Variants in TINCR observed in about 807,000 individuals in gnomAD.
TINCR encodes TINCR-encoded ubiquitin-like protein.
rs1253800659 is a variant in TINCR at position 5,563,758 on chromosome 19, C to G, written c.261-809G>C. 6.6e-6 allele frequency among the ~76,000 whole-genome samples: 1 copy of G among 151,884 alleles called. No individual in the cohort carries two copies. The highest frequency in any genetic ancestry group is 2.4e-5 in the African/African-American group (1 of 41,338). On this transcript the variant is annotated intron_variant, in intron 1 of 1. Transcript: ENST00000646160. The surrounding 1 kb of genome is among the most constrained non-coding windows in gnomAD (Gnocchi z 4.7). ...GGTGAAACGGTCTCTACTAAAAATA[C>G]AAAAAAATTAGCCAGGCATGGTGGC... is the stretch of plus-strand genomic sequence containing the variant.
intron 1 of TINCR, among the ~76,000 whole-genome samples, chr19:5,566,112 T>C (rs982323422): frequency 6.6e-6 from 1 of 152,034 alleles, no homozygotes; most frequent in African/African-American, 2.4e-5. Flanking sequence ...TAACGGACAC[T>C]GGAGTGGGGC....
chr19:5,559,015 C>G (rs1381518808), downstream of TINCR: 1 of 152,234 alleles, frequency 6.6e-6, no homozygotes, highest in Non-Finnish European at 1.5e-5. Flanking sequence ...ACCTCCCGAC[C>G]CAGGTCATCA....
chr19:5,566,272 G>A (rs1272309175), intron 1 of TINCR, among the ~76,000 whole-genome samples: 2 of 152,134 alleles, frequency 1.3e-5, no homozygotes, highest in Non-Finnish European at 2.9e-5. Context: ...GAGAAAAAGA[G>A]CAGAGACCAA....
chr19:5,567,532 GC>G (rs1394917540), intron 1 of TINCR, 132 bp downstream of exon 1: 10 of 366,782 alleles, frequency 2.7e-5, no homozygotes, highest in African/African-American at 8.4e-5. Flanking sequence ...CAGGAGAGAG[GC>G]CGGGCGGGCA....
rs138533582 is a variant in TINCR, at chr19:5,564,449, TA to T, written c.261-1501del. On this transcript the variant is annotated intron_variant, in intron 1 of 1. Transcript: ENST00000646160. Reference sequence around the variant, plus strand: ...ACAGCCAGTGAACAGCAAAGGCAGATAGGGGCCCCTGTCTGTTGGGGAAGAC... The same window carrying T: ...ACAGCCAGTGAACAGCAAAGGCAGATGGGGCCCCTGTCTGTTGGGGAAGAC... Among the ~76,000 whole-genome samples the T allele has an allele frequency of 5.2e-3, 784 of 152,224 alleles. 8 individuals carry two copies. The highest frequency in any genetic ancestry group is 0.017 in the African/African-American group (722 of 41,530).
chr19:5,565,758 T>C lies in TINCR; in HGVS notation c.260+1907A>G, dbSNP rs1429664692. ...GCAACGGGGTGGCATCTGAGGCTCC[T>C]GCCCTCAAAACATCAACCCAGGCTC... is the stretch of plus-strand genomic sequence containing the variant. On this transcript the variant is annotated intron_variant, in intron 1 of 1. Coordinates refer to ENST00000646160, the Ensembl canonical transcript of TINCR. This position sits in a 1 kb window ranked among gnomAD's most constrained non-coding sequence, Gnocchi z 4.0. Among the ~76,000 whole-genome samples the C allele has an allele frequency of 1.3e-5, 2 of 152,170 alleles. No individual in the cohort carries two copies.
downstream of TINCR, chr19:5,560,796 G>A (rs1403320285): frequency 6.6e-6 from 1 of 152,524 alleles, no homozygotes; most frequent in African/African-American, 2.4e-5. The surrounding 1 kb of genome is among the most constrained non-coding windows in gnomAD (Gnocchi z 4.5). Context: ...CACAGTTGGA[G>A]GCCTGAGAAG....
At chr19:5,561,637 C>T (rs1054807426), downstream of TINCR, 1 of 152,362 alleles carries the variant, frequency 6.6e-6, no homozygotes, top group African/African-American at 2.4e-5. Flanking sequence ...GAGTCCTGCT[C>T]TGTCGCCAGG....
chr19:5,566,765 T>C (rs2052132039), intron 1 of TINCR, among the ~76,000 whole-genome samples: 1 of 140,592 alleles, frequency 7.1e-6, no homozygotes, highest in Admixed American at 7.2e-5. Context: ...GAGACAGAAA[T>C]GGGCAGAGAC....
chr19:5,567,666 T>A, exon 1 of TINCR: 1 of 39,124 alleles, frequency 2.6e-5, no homozygotes, highest in Non-Finnish European at 4.7e-5. Flanking sequence ...CGCGGCCACC[T>A]GGGGTCGCTG....
chr19:5,560,273 A>C (rs914583503), downstream of TINCR: 7 of 152,218 alleles, frequency 4.6e-5, no homozygotes, highest in African/African-American at 1.2e-4. This position sits in a 1 kb window ranked among gnomAD's most constrained non-coding sequence, Gnocchi z 4.5. Flanking sequence ...GAGCTAAGCA[A>C]ACGCACAGTC....
chr19:5,566,855 C>T (rs1448503099), intron 1 of TINCR, among the ~76,000 whole-genome samples: 1 of 149,616 alleles, frequency 6.7e-6, no homozygotes, highest in Admixed American at 6.7e-5. Flanking sequence ...AGACAGAGAC[C>T]AGAGAGGGAG....
At chr19:5,567,623 G>GCCCCCCCCCCC in intron 1 of TINCR, 42 bp downstream of exon 1, 4 of 328,348 alleles carry the variant, frequency 1.2e-5, no homozygotes, top group East Asian at 4.6e-5. Context: ...GGGGTCCCCG[G>GCCCCCCCCCCC]CCGCCGCCCC....
downstream of TINCR, chr19:5,561,805 G>A (rs542704682): frequency 8.5e-4 from 130 of 152,214 alleles, 1 homozygote; most frequent in African/African-American, 3.0e-3. Flanking sequence ...ATCCTTTATT[G>A]TAAGGAGACA....
At chr19:5,558,505 C>T (rs1273306042), downstream of TINCR, 2 of 152,328 alleles carry the variant, frequency 1.3e-5, no homozygotes, top group African/African-American at 4.8e-5. Flanking sequence ...CTCAGGGATA[C>T]ATGGATGGAG....
chr19:5,558,701 T>A (rs1260272492), downstream of TINCR: 2 of 152,258 alleles, frequency 1.3e-5, no homozygotes, highest in African/African-American at 2.4e-5. Context: ...TCATCTCCCC[T>A]CTTTGTGTCA....
chr19:5,559,663 A>G (rs1385746210), downstream of TINCR: 1 of 152,270 alleles, frequency 6.6e-6, no homozygotes, highest in East Asian at 1.9e-4. Context: ...ACAGGGCTCC[A>G]AAAAGATGTG....
chr19:5,566,198 G>C (rs1367248835), intron 1 of TINCR, among the ~76,000 whole-genome samples: 1 of 152,138 alleles, frequency 6.6e-6, no homozygotes, highest in Non-Finnish European at 1.5e-5. Flanking sequence ...GAGAAAAACA[G>C]CAGAGAAAAA....
At chr19:5,567,263 AAGAG>A (rs950393490) in intron 1 of TINCR, among the ~76,000 whole-genome samples, 2 of 151,986 alleles carry the variant, frequency 1.3e-5, no homozygotes, top group South Asian at 2.1e-4. Context: ...ACACAGACAA[AAGAG>A]AGAGATGAAA....
Sources: allele counts gnomAD v4.1 joint callset (sites outside exome capture counted in the v4.1 genomes callset), GRCh38; gene constraint gnomAD v4.1.1; non-coding constraint Gnocchi (gnomAD v3.1); transcripts MANE v1.5; gene names NCBI Gene and HGNC (gene_info 2026-07-23, HGNC 2026-07-21).